HSD17B12: variants seen among roughly 807,000 people sequenced by gnomAD.
HSD17B12 encodes hydroxysteroid 17-beta dehydrogenase 12.
In HSD17B12, 32 loss-of-function variants were observed where a neutral mutation model predicts 39.3. The observed-to-expected ratio is 0.81, with a 90% CI of 0.61 to 1.09. HSD17B12 has a LOEUF of 1.09. Ranked by LOEUF, HSD17B12 falls within the 50% of genes least tolerant of loss-of-function variation. The pLI is 0.00. For synonymous variants in HSD17B12, 150 were observed against 146.7 expected, an observed-to-expected ratio of 1.02 and a Z score of -0.16; for missense variants, 342 against 382.9, an observed-to-expected ratio of 0.89 and a Z score of 0.89.
intron 1 of HSD17B12, among the ~76,000 whole-genome samples, chr11:43,742,139 A>AT (rs34321708): frequency 0.011 from 1,339 of 123,436 alleles, 43 homozygotes; most frequent in African/African-American, 0.035. Flanking sequence ...ATATATATAT[A>AT]TTTTTTTTTT....
chr11:43,601,082 ATTTTTTATTTATT>A, the HSD17B12 span, among the ~76,000 whole-genome samples: 1 of 148,996 alleles, frequency 6.7e-6, no homozygotes, highest in African/African-American at 2.5e-5. Flanking sequence ...TTTTATTTTT[ATTTTTTATTTATT>A]TATCTTTATT....
chr11:43,820,932 C>T (rs1951176335), intron 6 of HSD17B12, among the ~76,000 whole-genome samples: 1 of 152,150 alleles, frequency 6.6e-6, no homozygotes, highest in Non-Finnish European at 1.5e-5. Context: ...ATCAGTAGGT[C>T]AGATGATTGT....
chr11:43,577,773 G>A, the HSD17B12 span, among the ~76,000 whole-genome samples: 1 of 152,226 alleles, frequency 6.6e-6, no homozygotes, highest in Non-Finnish European at 1.5e-5. Flanking sequence ...TTGCTGGTGC[G>A]ATGCGCAGAG....
chr11:43,742,498 A>AT (rs1239639123), intron 1 of HSD17B12, among the ~76,000 whole-genome samples: 1 of 151,832 alleles, frequency 6.6e-6, no homozygotes, highest in African/African-American at 2.4e-5. Context: ...ACAAATTTGA[A>AT]TTTTTTCCAT....
chr11:43,851,118 G>T (rs994328726), intron 9 of HSD17B12, among the ~76,000 whole-genome samples: 17 of 152,142 alleles, frequency 1.1e-4, no homozygotes, highest in Admixed American at 5.2e-4. Flanking sequence ...TTTTAAAATA[G>T]GCTGAGCAAG....
chr11:43,662,627 GTTGTAA>G, the HSD17B12 span, among the ~76,000 whole-genome samples: 1 of 152,086 alleles, frequency 6.6e-6, no homozygotes, highest in African/African-American at 2.4e-5. Flanking sequence ...CAAGGGCAAA[GTTGTAA>G]TTGTAACATG....
chr11:43,772,690 G>C (rs1461323771), intron 3 of HSD17B12, among the ~76,000 whole-genome samples: 1 of 152,164 alleles, frequency 6.6e-6, no homozygotes, highest in African/African-American at 2.4e-5. Flanking sequence ...TGGAAAATAA[G>C]TCCATGGGAA....
At chr11:43,736,698 T>C (rs1051898339) in intron 1 of HSD17B12, among the ~76,000 whole-genome samples, 35 of 152,328 alleles carry the variant, frequency 2.3e-4, no homozygotes, top group African/African-American at 7.9e-4. Context: ...TTGCATCACT[T>C]TCACTGTTTG....
chr11:43,820,567 G>C (rs1951172085), intron 6 of HSD17B12, among the ~76,000 whole-genome samples: 2 of 152,200 alleles, frequency 1.3e-5, no homozygotes, highest in Non-Finnish European at 1.5e-5. Flanking sequence ...AATCTCCAAA[G>C]GTTTTATTGT....
At chr11:43,801,199 A>C (rs1950964129) in intron 4 of HSD17B12, among the ~76,000 whole-genome samples, 1 of 152,164 alleles carries the variant, frequency 6.6e-6, no homozygotes, top group African/African-American at 2.4e-5. Flanking sequence ...CTAATAGGAA[A>C]TATAACATGA....
the HSD17B12 span, among the ~76,000 whole-genome samples, chr11:43,659,544 G>A: frequency 6.6e-6 from 1 of 152,154 alleles, no homozygotes; most frequent in East Asian, 1.9e-4. Context: ...CCACCCCCCA[G>A]TTGATGCAAA....
the HSD17B12 span, among the ~76,000 whole-genome samples, chr11:43,585,899 T>G: frequency 6.6e-6 from 1 of 152,200 alleles, no homozygotes; most frequent in Non-Finnish European, 1.5e-5. Context: ...TAATTATGTT[T>G]GAAAAAATCC....
intron 9 of HSD17B12, chr11:43,848,498 T>C (rs1565112124): frequency 6.6e-6 from 1 of 152,236 alleles, no homozygotes; most frequent in Non-Finnish European, 1.5e-5. Context: ...TCAGCCAAGC[T>C]CTTCTTTCCA....
intron 4 of HSD17B12, among the ~76,000 whole-genome samples, chr11:43,813,378 A>C (rs1226191599): frequency 6.6e-6 from 1 of 152,132 alleles, no homozygotes; most frequent in Non-Finnish European, 1.5e-5. Context: ...TAATATTCCC[A>C]TAGGCTAGAG....
intron 1 of HSD17B12, among the ~76,000 whole-genome samples, chr11:43,695,037 T>C (rs184575410): frequency 6.6e-5 from 10 of 152,038 alleles, no homozygotes; most frequent in African/African-American, 1.9e-4. Context: ...AATACAAAAA[T>C]TAGCCCCAAG....
intron 3 of HSD17B12, among the ~76,000 whole-genome samples, chr11:43,762,190 G>A (rs979883517): frequency 3.3e-5 from 5 of 151,924 alleles, no homozygotes; most frequent in East Asian, 1.9e-4. Context: ...AAAAAAAGAC[G>A]TTTTCTCAAA....
chr11:43,726,293 A>G (rs148592624), intron 1 of HSD17B12, among the ~76,000 whole-genome samples: 183 of 152,250 alleles, frequency 1.2e-3, no homozygotes, highest in Non-Finnish European at 2.2e-3. Context: ...AAGAAAAGAG[A>G]TAACTGGAGA....
the HSD17B12 span, among the ~76,000 whole-genome samples, chr11:43,627,319 A>G: frequency 6.6e-6 from 1 of 151,884 alleles, no homozygotes; most frequent in East Asian, 1.9e-4. Context: ...TAAAAGTAGG[A>G]TGATTAGGTA....
At chr11:43,775,174 T>C (rs751873241) in intron 3 of HSD17B12, among the ~76,000 whole-genome samples, 6 of 151,960 alleles carry the variant, frequency 3.9e-5, no homozygotes, top group African/African-American at 7.3e-5. Context: ...AGAAACTGAG[T>C]TGTGAACAAC....
Sources: allele counts gnomAD v4.1 joint callset (sites outside exome capture counted in the v4.1 genomes callset), GRCh38; gene constraint gnomAD v4.1.1; transcripts MANE v1.5; gene names NCBI Gene and HGNC (gene_info 2026-07-23, HGNC 2026-07-21).